The following ANO6 variants were observed in gnomAD, a reference collection of about 807,000 sequenced individuals.
ANO6 encodes the protein anoctamin-6.
Under a neutral mutation model 117.5 loss-of-function variants are expected in ANO6, and 106 were observed. That is an observed-to-expected ratio of 0.90 (90% confidence interval 0.77 to 1.06). The LOEUF is 1.06. Ranked by LOEUF, ANO6 falls within the 50% of genes least tolerant of loss-of-function variation. ANO6 has a pLI of 0.00. For missense variants in ANO6, 955 were observed against 1,121.1 expected, an observed-to-expected ratio of 0.85 and a Z score of 2.12; for synonymous variants, 367 against 385.1, an observed-to-expected ratio of 0.95 and a Z score of 0.55.
At chr12:45,277,958 A>T (rs1407409487) in intron 1 of ANO6, among the ~76,000 whole-genome samples, 1 of 152,036 alleles carries the variant, frequency 6.6e-6, no homozygotes, top group Non-Finnish European at 1.5e-5. Flanking sequence ...AAAAATTATT[A>T]TATGTATTTT....
chr12:45,422,869 C>T (rs778550907), intron 18 of ANO6, 88 bp from the exon 19 acceptor site: 40 of 1,039,494 alleles, frequency 3.8e-5, no homozygotes, highest in Non-Finnish European at 5.6e-5. Context: ...CCACTGCACC[C>T]GGCATGACCT....
intron 1 of ANO6, among the ~76,000 whole-genome samples, chr12:45,285,454 G>C (rs1009576953): frequency 3.9e-5 from 6 of 152,302 alleles, no homozygotes; most frequent in African/African-American, 1.4e-4. Context: ...CAGTAAAAAG[G>C]CTACCGAGGC....
Position 45,347,029 on chromosome 12 carries a change from G to C in ANO6, c.287G>C (p.Arg96Thr). The C allele has an allele frequency of 6.2e-7, 1 of 1,614,010 alleles. No homozygotes were observed. Among genetic ancestry groups the C allele is most frequent in the South Asian group, 1.1e-5 (1 of 91,088 alleles). Residue 96 changes from arginine to threonine, a missense_variant, in exon 4 of 20, where the codon AGA becomes ACA. Coordinates refer to ENST00000320560, the MANE Select transcript of ANO6 (RefSeq NM_001025356.3). ...TCCAACTTCTTTTGACAGAGGAAAA[G>C]ACAAGCATACGAATCTAACCTTATC... Reference protein sequence around the residue: ...KGTNEKQRRKRQAYESNLICH... With the variant: ...KGTNEKQRRKTQAYESNLICH...
At chr12:45,303,831 G>T (rs1276922449) in intron 2 of ANO6, among the ~76,000 whole-genome samples, 1 of 152,218 alleles carries the variant, frequency 6.6e-6, no homozygotes, top group African/African-American at 2.4e-5. Context: ...ACCCAAGCTG[G>T]AAGGAGATTC....
chr12:45,382,857 G>A (rs1942203494), intron 10 of ANO6, among the ~76,000 whole-genome samples: 1 of 152,156 alleles, frequency 6.6e-6, no homozygotes, highest in Non-Finnish European at 1.5e-5. Flanking sequence ...GCTGTGAGAG[G>A]GTCTTGCCTC....
At chr12:45,240,150 G>C (rs1316696881) in intron 1 of ANO6, among the ~76,000 whole-genome samples, 2 of 151,946 alleles carry the variant, frequency 1.3e-5, no homozygotes, top group African/African-American at 4.8e-5. Context: ...ATTATTGTGT[G>C]GGAGTCTAAG....
At chr12:45,422,273 G>T (rs952159478) in intron 18 of ANO6, among the ~76,000 whole-genome samples, 12 of 152,144 alleles carry the variant, frequency 7.9e-5, no homozygotes, top group African/African-American at 2.9e-4. Flanking sequence ...TGAGGAGAGA[G>T]AGTCCCATAG....
At chr12:45,391,117 T>C (rs887256100) in intron 12 of ANO6, among the ~76,000 whole-genome samples, 1 of 149,904 alleles carries the variant, frequency 6.7e-6, no homozygotes, top group African/African-American at 2.5e-5. Context: ...AGACTCCATC[T>C]CAAAAAAAAA....
intron 2 of ANO6, among the ~76,000 whole-genome samples, chr12:45,319,026 G>A (rs868189327): frequency 5.3e-5 from 8 of 152,124 alleles, no homozygotes; most frequent in African/African-American, 1.9e-4. Context: ...CTGAGCCGAT[G>A]GGGTTTTCTA....
chr12:45,363,346 C>T (rs779821419), intron 8 of ANO6, among the ~76,000 whole-genome samples: 1 of 152,002 alleles, frequency 6.6e-6, no homozygotes, highest in South Asian at 2.1e-4. Context: ...TGGCAGATCA[C>T]GAGGTCAGGA....
intron 1 of ANO6, among the ~76,000 whole-genome samples, chr12:45,262,676 G>A (rs952814741): frequency 8.5e-5 from 13 of 152,168 alleles, no homozygotes; most frequent in Admixed American, 7.2e-4. Context: ...TGCCCGGCTC[G>A]GCCTCCCAGA....
chr12:45,276,145 TATC>T (rs1222273396), intron 1 of ANO6, among the ~76,000 whole-genome samples: 1 of 152,186 alleles, frequency 6.6e-6, no homozygotes, highest in Non-Finnish European at 1.5e-5. Context: ...GAAACCTGTA[TATC>T]ATCCTTGGTT....
chr12:45,341,860 T>A (rs1482947555), intron 3 of ANO6, among the ~76,000 whole-genome samples: 1 of 152,104 alleles, frequency 6.6e-6, no homozygotes, highest in African/African-American at 2.4e-5. Flanking sequence ...TCTTTTTTTT[T>A]AAGGAATAAG....
chr12:45,301,874 T>G, intron 1 of ANO6, 140 bp from the exon 2 acceptor site: 2 of 715,232 alleles, frequency 2.8e-6, no homozygotes, highest in Non-Finnish European at 4.9e-6. Flanking sequence ...ATATATCTGA[T>G]AGCTGAAAGG....
chr12:45,381,892 T>G (rs991609617), intron 10 of ANO6, among the ~76,000 whole-genome samples: 1 of 152,070 alleles, frequency 6.6e-6, no homozygotes, highest in Non-Finnish European at 1.5e-5. Context: ...TTATCATGAA[T>G]TATCTCCTGT....
chr12:45,254,133 C>T (rs1401338698), intron 1 of ANO6, among the ~76,000 whole-genome samples: 1 of 152,202 alleles, frequency 6.6e-6, no homozygotes. Context: ...TGCCACTGCA[C>T]TCCAACCTAG....
rs146950568 is a variant in ANO6 at position 45,264,117 on chromosome 12, A to T, written c.71-37897A>T. 2.0e-5 allele frequency among the ~76,000 whole-genome samples: 3 copies of T among 152,310 alleles called. No homozygotes were observed. The East Asian group carries it at 5.8e-4, about 29-fold the overall frequency. Reference sequence around the variant, plus strand: ...TGGGTGTAATGAGGGGTTATAGCTCATATCTCTTGATTTAGCTGCTGGTCA... The same window carrying T: ...TGGGTGTAATGAGGGGTTATAGCTCTTATCTCTTGATTTAGCTGCTGGTCA... On this transcript the variant is annotated intron_variant, in intron 1 of 19. Transcript: ENST00000320560.
chr12:45,235,472 C>G (rs1477698969), intron 1 of ANO6, among the ~76,000 whole-genome samples: 2 of 152,108 alleles, frequency 1.3e-5, no homozygotes, highest in Admixed American at 6.5e-5. Flanking sequence ...GTGGGAAAAC[C>G]ACCTCCTGGG....
chr12:45,231,629 C>T (rs962262386), intron 1 of ANO6, among the ~76,000 whole-genome samples: 2 of 152,166 alleles, frequency 1.3e-5, no homozygotes, highest in African/African-American at 4.8e-5. Flanking sequence ...TTGCAGTTCT[C>T]GTTGTCCACT....
Sources: allele counts gnomAD v4.1 joint callset (sites outside exome capture counted in the v4.1 genomes callset), GRCh38; gene constraint gnomAD v4.1.1; transcripts MANE v1.5; gene names NCBI Gene and HGNC (gene_info 2026-07-23, HGNC 2026-07-21).